SEMA3D: variants seen among roughly 807,000 people sequenced by gnomAD.
The protein encoded by SEMA3D is semaphorin 3D.
A neutral mutation model predicts 100.1 loss-of-function variants in SEMA3D; 84 were observed. That is an observed-to-expected ratio of 0.84 (90% CI 0.70 to 1.01). The LOEUF is 1.01. SEMA3D is among the 50% of genes least tolerant of loss of function. The pLI, the probability that SEMA3D is intolerant of heterozygous loss-of-function variation, is 0.00. For missense variants in SEMA3D, 875 were observed against 934.1 expected, an observed-to-expected ratio of 0.94 and a Z score of 0.82; for synonymous variants, 312 against 320.7, an observed-to-expected ratio of 0.97 and a Z score of 0.29.
At chr7:85,205,901 T>A in the SEMA3D span, among the ~76,000 whole-genome samples, 5 of 152,162 alleles carry the variant, frequency 3.3e-5, no homozygotes, top group African/African-American at 1.2e-4. Flanking sequence ...TCTATGAAAC[T>A]GTCTGAGATC....
intron 8 of SEMA3D, among the ~76,000 whole-genome samples, chr7:85,056,188 T>A (rs1363197430): frequency 2.0e-5 from 3 of 152,096 alleles, no homozygotes; most frequent in Non-Finnish European, 4.4e-5. Flanking sequence ...AACCACCATG[T>A]CTTTCATAAA....
chr7:85,170,110 G>A (rs1285306672), intron 1 of SEMA3D, among the ~76,000 whole-genome samples: 3 of 151,756 alleles, frequency 2.0e-5, no homozygotes, highest in African/African-American at 7.2e-5. Flanking sequence ...AGGATGAACA[G>A]CATGAGCAAT....
At chr7:85,100,023 G>T (rs1788696282) in intron 3 of SEMA3D, among the ~76,000 whole-genome samples, 1 of 151,914 alleles carries the variant, frequency 6.6e-6, no homozygotes, top group African/African-American at 2.4e-5. Context: ...ATTGATGCCT[G>T]TGTTTGGAGA....
At chr7:85,225,066 ATATATATATATATAT>A in the SEMA3D span, among the ~76,000 whole-genome samples, 1 of 4,960 alleles carries the variant, frequency 2.0e-4, no homozygotes, top group Non-Finnish European at 5.4e-4. Flanking sequence ...ATATATATAT[ATATATATATATATAT>A]ATATATATAT....
At chr7:85,126,756 A>G (rs966352977) in intron 2 of SEMA3D, among the ~76,000 whole-genome samples, 1 of 152,032 alleles carries the variant, frequency 6.6e-6, no homozygotes, top group East Asian at 1.9e-4. Flanking sequence ...ATAGAAAAAA[A>G]CTCGAAAGCC....
chr7:85,118,940 T>G (rs1007214356), intron 3 of SEMA3D, among the ~76,000 whole-genome samples: 1 of 151,886 alleles, frequency 6.6e-6, no homozygotes, highest in African/African-American at 2.4e-5. Context: ...CACTAAAAGG[T>G]GGGCAAAGGA....
intron 9 of SEMA3D, among the ~76,000 whole-genome samples, chr7:85,054,523 G>C (rs949465463): frequency 6.6e-6 from 1 of 152,072 alleles, no homozygotes; most frequent in Non-Finnish European, 1.5e-5. Flanking sequence ...TGTCCCCTGG[G>C]GGTGAGGGGA....
At chr7:85,145,411 AT>A (rs1790173916) in intron 2 of SEMA3D, among the ~76,000 whole-genome samples, 1 of 152,082 alleles carries the variant, frequency 6.6e-6, no homozygotes, top group African/African-American at 2.4e-5. Flanking sequence ...AAGCTGGCAT[AT>A]TTTTATGCTA....
chr7:85,084,721 T>C (rs917553223), intron 4 of SEMA3D, among the ~76,000 whole-genome samples: 2 of 152,156 alleles, frequency 1.3e-5, no homozygotes, highest in African/African-American at 4.8e-5. Context: ...GTATTAAGCC[T>C]AGTACACGTT....
At position 85,118,033 on chromosome 7, in the gene SEMA3D, A is replaced by G. The variant is rs186339065; in HGVS notation, c.151+3708T>C. Reference sequence around the variant, plus strand: ...AGATATGGCTCCAGTTTAATGGAATATCTTATAAATTGACATGTAAAAACT... The same window carrying G: ...AGATATGGCTCCAGTTTAATGGAATGTCTTATAAATTGACATGTAAAAACT... On this transcript the variant is annotated intron_variant, in intron 3 of 18. Transcript: ENST00000284136. Among the ~76,000 whole-genome samples, 9 of 152,120 alleles carry G rather than the reference A, an allele frequency of 5.9e-5. No individual in the cohort carries two copies. The South Asian group carries it at 1.4e-3, about 25-fold the overall frequency.
At chr7:85,243,359 T>TGGAG in the SEMA3D span, among the ~76,000 whole-genome samples, 3 of 151,980 alleles carry the variant, frequency 2.0e-5, no homozygotes, top group Admixed American at 6.6e-5. Flanking sequence ...TCCCCATGAG[T>TGGAG]GGAGTTTTTC....
rs577094607 is a variant in SEMA3D at position 85,081,506 on chromosome 7, T to G, written c.375+11A>C. The G allele has an allele frequency of 3.2e-6, 5 of 1,575,918 alleles. No homozygotes were observed. The South Asian group carries it at 5.5e-5, about 17-fold the overall frequency. On this transcript the variant is annotated intron_variant, in intron 5 of 18. Coordinates refer to ENST00000284136, the MANE Select transcript of SEMA3D (RefSeq NM_001384900.1). ...GTTTTACAAAGATAATTGTTACAGT[T>G]TCATACTTACATTGGCATCTTTCCC... is the stretch of plus-strand genomic sequence containing the variant.
In SEMA3D at chr7:85,123,069, C is replaced by T. The variant is rs142477254; in HGVS notation, c.-40-1138G>A. ...TGGGTAATTATTTATCTCACTTCAC[C>T]GATGAAACAAAATTGAGGTACAGAG... On this transcript the variant is annotated intron_variant, in intron 2 of 18. Transcript: ENST00000284136. 4.3e-3 allele frequency among the ~76,000 whole-genome samples: 654 copies of T among 152,120 alleles called. 5 individuals are homozygous for T. The highest frequency in any genetic ancestry group is 0.015 in the African/African-American group (640 of 41,522).
At chr7:85,138,671 TA>T (rs1439056546) in intron 2 of SEMA3D, among the ~76,000 whole-genome samples, 9 of 147,074 alleles carry the variant, frequency 6.1e-5, no homozygotes, top group African/African-American at 2.0e-4. Context: ...TATATTAAAT[TA>T]AATATATATA....
chr7:85,196,922 G>A, the SEMA3D span, among the ~76,000 whole-genome samples: 1 of 152,078 alleles, frequency 6.6e-6, no homozygotes, highest in African/African-American at 2.4e-5. Flanking sequence ...AAACCCTGAG[G>A]ACTAAACTCT....
chr7:85,194,876 TCTC>T, the SEMA3D span, among the ~76,000 whole-genome samples: 5 of 152,128 alleles, frequency 3.3e-5, no homozygotes, highest in Admixed American at 2.0e-4. Context: ...TGTGTCCTAA[TCTC>T]CTCTTCTTAT....
chr7:85,162,424 G>T (rs557932540), intron 1 of SEMA3D, among the ~76,000 whole-genome samples: 2 of 152,152 alleles, frequency 1.3e-5, no homozygotes, highest in African/African-American at 4.8e-5. Context: ...AGCAGGTGAC[G>T]TAGATCAGGT....
rs368226635 is a variant in SEMA3D at position 85,068,171 on chromosome 7, C to A, written c.589+20G>T. ...TTAGAAAACCATTTAAGGATAAGAA[C>A]TGCCTGTCATTGATCTTACCTGTCA... On this transcript the variant is annotated intron_variant, in intron 7 of 18. Transcript: ENST00000284136. 7.3e-7 allele frequency: 1 copy of A among 1,377,238 alleles called. No homozygotes were observed. Among genetic ancestry groups the A allele is most frequent in the South Asian group, 1.2e-5 (1 of 85,736 alleles). 85.3% of individuals were successfully genotyped at this position (1,377,238 alleles called of 1,614,324 possible).
At chr7:85,141,422 T>G (rs747321957) in intron 2 of SEMA3D, 14 of 984,636 alleles carry the variant, frequency 1.4e-5, no homozygotes, top group Non-Finnish European at 1.7e-5. Flanking sequence ...TATTGGGGAT[T>G]CTGTGCTAAT....
Sources: allele counts gnomAD v4.1 joint callset (sites outside exome capture counted in the v4.1 genomes callset), GRCh38; gene constraint gnomAD v4.1.1; transcripts MANE v1.5; gene names NCBI Gene and HGNC (gene_info 2026-07-23, HGNC 2026-07-21).